DNAI4: variants seen among roughly 807,000 people sequenced by gnomAD.
The protein encoded by DNAI4 is WD repeat domain 78.
A neutral mutation model predicts 105.8 loss-of-function variants in DNAI4; 85 were observed. That is an observed-to-expected ratio of 0.80 (90% CI 0.67 to 0.96). The LOEUF (loss-of-function observed/expected upper bound fraction) is 0.96, where lower values mean the gene tolerates loss of function less well. DNAI4 is among the 40% of genes least tolerant of loss of function. The pLI, the probability that DNAI4 is intolerant of heterozygous loss-of-function variation, is 0.00. For missense variants in DNAI4, 1,014 were observed against 1,005.6 expected (o/e 1.01, Z -0.11); for synonymous variants, 352 against 331.5 (o/e 1.06, Z -0.67).
rs1557908112 is a variant in DNAI4, at chr1:66,836,190, AAGAAAGAAAGAAAGAAAGAGAGAG to A, written c.1582-437_1582-414del. On this transcript the variant is annotated intron_variant, in intron 10 of 16. Transcript: ENST00000371026. ...AAAGAAAGAAAGAAAGAAAGAAAGA[AAGAAAGAAAGAAAGAAAGAGAGAG>A]AGAGAGAGAGAGAGAGAGAGAAAGA... Among the ~76,000 whole-genome samples the A allele has an allele frequency of 6.6e-4, 45 of 68,524 alleles. 1 individual carries two copies. Among genetic ancestry groups the A allele is most frequent in the Non-Finnish European group, 1.1e-3 (33 of 29,056 alleles). 45.0% of individuals were successfully genotyped at this position (68,524 alleles called of 152,430 possible). A position where few individuals can be genotyped will look rare whatever the true frequency, so the allele number is the denominator to read the frequency against.
At chr1:66,839,697 T>A (rs1372796767) in intron 9 of DNAI4, among the ~76,000 whole-genome samples, 4 of 152,178 alleles carry the variant, frequency 2.6e-5, no homozygotes, top group African/African-American at 7.2e-5. Context: ...TCTATAATTA[T>A]CTCTTTTTTA....
intron 1 of DNAI4, among the ~76,000 whole-genome samples, chr1:66,907,260 C>T (rs888636616): frequency 6.6e-6 from 1 of 152,174 alleles, no homozygotes; most frequent in Admixed American, 6.5e-5. Flanking sequence ...TTCTGTCATA[C>T]CACAGACTAT....
chr1:66,836,256 G>GAA (rs1257359727), intron 10 of DNAI4, among the ~76,000 whole-genome samples: 20 of 14,144 alleles, frequency 1.4e-3, no homozygotes, highest in African/African-American at 4.7e-3. Context: ...GAGAGAGAGA[G>GAA]AAAGAAAGAA....
rs1648367194 is a variant in DNAI4, at chr1:66,896,709, T to A, written c.346-3296A>T. ...AAACTTCCCTCACCATGCGACACCC[T>A]GCACCACCTCAGCTCTCTGCAGAGT... is the stretch of plus-strand genomic sequence containing the variant. On this transcript the variant is annotated intron_variant, in intron 2 of 16. Coordinates refer to ENST00000371026, the MANE Select transcript of DNAI4 (RefSeq NM_024763.5). Among the ~76,000 whole-genome samples, 3 of 152,208 alleles carry A rather than the reference T, an allele frequency of 2.0e-5. No homozygotes were observed. In the South Asian group the frequency reaches 6.2e-4, roughly 31 times the overall value.
chr1:66,855,398 G>A (rs1646479968), intron 7 of DNAI4, among the ~76,000 whole-genome samples: 1 of 152,168 alleles, frequency 6.6e-6, no homozygotes, highest in Non-Finnish European at 1.5e-5. Flanking sequence ...CTTTGCAATG[G>A]CAATCATCTC....
chr1:66,919,742 A>G (rs1569906473), intron 1 of DNAI4, among the ~76,000 whole-genome samples: 1 of 152,336 alleles, frequency 6.6e-6, no homozygotes. Flanking sequence ...CCAGAGCCTA[A>G]CTAGAGTTTT....
At chr1:66,916,526 A>G (rs995156592) in intron 1 of DNAI4, among the ~76,000 whole-genome samples, 1 of 152,224 alleles carries the variant, frequency 6.6e-6, no homozygotes, top group Non-Finnish European at 1.5e-5. Flanking sequence ...AATTAAAGCC[A>G]TTCAACTCTT....
intron 4 of DNAI4, among the ~76,000 whole-genome samples, chr1:66,885,318 A>G (rs75953824): frequency 1.3e-5 from 2 of 152,164 alleles, no homozygotes; most frequent in Admixed American, 6.5e-5. Flanking sequence ...GACCCATGTC[A>G]TTTTTCTTTT....
At position 66,893,059 on chromosome 1, in the gene DNAI4, G is replaced by GAAAGAAAGAAAGAAA. The variant is rs780472953; in HGVS notation, c.530+169_530+170insTTTCTTTCTTTCTTT. On this transcript the variant is annotated intron_variant, in intron 3 of 16. Transcript: ENST00000371026. ...GGAAAGAAAGAAAGAAAGAAAGAGA[G>GAAAGAAAGAAAGAAA]AGAGAGAAAGAAAGAAAGAAAGAAA... is the stretch of plus-strand genomic sequence containing the variant. 5.3e-5 allele frequency among the ~76,000 whole-genome samples: 3 copies of GAAAGAAAGAAAGAAA among 56,494 alleles called. 1 individual carries two copies. Among genetic ancestry groups the GAAAGAAAGAAAGAAA allele is most frequent in the African/African-American group, 2.2e-4 (3 of 13,656 alleles). 37.1% of individuals were successfully genotyped at this position (56,494 alleles called of 152,430 possible). A position where few individuals can be genotyped will look rare whatever the true frequency, so the allele number is the denominator to read the frequency against.
chr1:66,909,745 G>A (rs1649520784), intron 1 of DNAI4, among the ~76,000 whole-genome samples: 1 of 151,722 alleles, frequency 6.6e-6, no homozygotes, highest in East Asian at 1.9e-4. Flanking sequence ...CCAAAACTAA[G>A]TTCCTGACAT....
rs1021807137 is a variant in DNAI4 at position 66,882,511 on chromosome 1, T to G, written c.644-7574A>C. 2.0e-5 allele frequency among the ~76,000 whole-genome samples: 3 copies of G among 151,328 alleles called. No individual in the cohort carries two copies. In the East Asian group the frequency reaches 5.8e-4, roughly 29 times the overall value. ...TAAGATGTAAGGTCTGTGTCTATGC[T>G]CTCTCTCTCTCTCTTTTTTTTTGCA... On this transcript the variant is annotated intron_variant, in intron 4 of 16. Coordinates refer to ENST00000371026, the MANE Select transcript of DNAI4 (RefSeq NM_024763.5).
intron 1 of DNAI4, among the ~76,000 whole-genome samples, chr1:66,920,403 C>T (rs544454602): frequency 5.9e-5 from 9 of 152,256 alleles, no homozygotes; most frequent in Non-Finnish European, 1.0e-4. Context: ...TCAGGTGCCA[C>T]GAGTGTGGGT....
chr1:66,844,187 C>G (rs1646220927), intron 8 of DNAI4, among the ~76,000 whole-genome samples: 1 of 150,564 alleles, frequency 6.6e-6, no homozygotes, highest in Non-Finnish European at 1.5e-5. Flanking sequence ...ACGTGCTTCA[C>G]TATAATGATC....
chr1:66,820,746 T>C (rs551445111), intron 16 of DNAI4, among the ~76,000 whole-genome samples: 1 of 152,216 alleles, frequency 6.6e-6, no homozygotes, highest in South Asian at 2.1e-4. Context: ...AGCAAAGATT[T>C]GAAGTAAGTA....
chr1:66,921,202 A>G (rs911394294), intron 1 of DNAI4: 2 of 152,240 alleles, frequency 1.3e-5, no homozygotes, highest in Admixed American at 6.5e-5. Flanking sequence ...TCAAAAGGAA[A>G]CAAGAACATG....
chr1:66,814,998 G>C (rs1645487913), intron 16 of DNAI4, among the ~76,000 whole-genome samples: 1 of 152,184 alleles, frequency 6.6e-6, no homozygotes, highest in Non-Finnish European at 1.5e-5. Flanking sequence ...GAAAAGATAG[G>C]AGCTGGAAGC....
At chr1:66,897,838 G>A (rs115652838) in intron 2 of DNAI4, among the ~76,000 whole-genome samples, 2 of 152,200 alleles carry the variant, frequency 1.3e-5, no homozygotes, top group African/African-American at 4.8e-5. Flanking sequence ...GATGGCCTGG[G>A]AGTCTATGCA....
In DNAI4 at chr1:66,826,979, C is replaced by T. The variant is rs1645769106; in HGVS notation, c.2180G>A (p.Trp727Ter). The change falls in exon 15 of 17, where the codon TGG becomes TAG. Residue 727 changes from tryptophan to a stop codon, truncating the protein, a stop_gained. Coordinates refer to ENST00000371026, the MANE Select transcript of DNAI4 (RefSeq NM_024763.5). LOFTEE classifies it high-confidence loss of function. The stretch of plus-strand genomic sequence containing the variant: ...CTCCTGTTGCCATATAATAACACCC[C>T]AATCTGCAGAACAGCTTAAAAATAC... Reference protein sequence around the residue: ...HDVFLSCSADWGVIIWQQENV... With the variant: ...HDVFLSCSAD 6.2e-7 allele frequency: 1 copy of T among 1,613,942 alleles called. No homozygotes were observed. The highest frequency in any genetic ancestry group is 8.5e-7 in the Non-Finnish European group (1 of 1,180,022).
At chr1:66,837,961 T>A (rs375321508) in intron 9 of DNAI4, among the ~76,000 whole-genome samples, 165 bp from the exon 10 acceptor site, 12 of 152,194 alleles carry the variant, frequency 7.9e-5, no homozygotes, top group African/African-American at 2.9e-4. Context: ...TATACCTCCA[T>A]ATTCCTAAGC....
Sources: gnomAD v4.1 joint callset for allele counts (sites outside exome capture counted in the v4.1 genomes callset) on GRCh38, gnomAD v4.1.1 for gene constraint, MANE v1.5 for transcripts, NCBI Gene and HGNC (gene_info 2026-07-23, HGNC 2026-07-21) for gene names.